SYNE3: variants seen among roughly 807,000 people sequenced by gnomAD.
The protein encoded by SYNE3 is spectrin repeat containing nuclear envelope family member 3.
In SYNE3, 100 loss-of-function variants were observed where a neutral mutation model predicts 111.2. That is an observed-to-expected ratio of 0.90 (90% CI 0.77 to 1.06). The LOEUF (loss-of-function observed/expected upper bound fraction) is 1.06. SYNE3 is among the 50% of genes least tolerant of loss of function. The probability of loss-of-function intolerance (pLI) is 0.00; values close to 1 mark genes in which losing one functional copy is unlikely to be tolerated. For missense variants in SYNE3, 1,160 were observed against 1,240.3 expected, an observed-to-expected ratio of 0.94 and a Z score of 0.97; for synonymous variants, 547 against 533.9, an observed-to-expected ratio of 1.02 and a Z score of -0.34.
At chr14:95,478,309 A>G (rs1889014200) in intron 1 of SYNE3, among the ~76,000 whole-genome samples, 1 of 152,162 alleles carries the variant, frequency 6.6e-6, no homozygotes, top group East Asian at 1.9e-4. Context: ...TACTCTAAAG[A>G]AGCTCTCAGA....
intron 7 of SYNE3, chr14:95,451,137 A>C (rs1013101084): frequency 6.6e-6 from 1 of 152,190 alleles, no homozygotes; most frequent in African/African-American, 2.4e-5. Flanking sequence ...ACAGCACCTC[A>C]CATGAAGCTG....
At chr14:95,447,292 C>A (rs28701729) in intron 8 of SYNE3, among the ~76,000 whole-genome samples, 43,167 of 151,634 alleles carry the variant, frequency 0.28, 6,540 homozygotes, top group African/African-American at 0.41. Flanking sequence ...CACCACCACA[C>A]CCGGCTAATT....
rs950954438 is a variant in SYNE3, at chr14:95,415,224, T to C, written c.*2602A>G. ...GGCCATGGATCAGTTTCTTCCCCAT[T>C]CTGGGCCTCAGCTTTCTCACCTGTG... On this transcript the variant is annotated 3_prime_UTR_variant, in exon 18 of 18. Coordinates refer to ENST00000682763, the MANE Select transcript of SYNE3 (RefSeq NM_152592.6). The C allele has an allele frequency of 6.6e-6, 1 of 152,270 alleles. No homozygotes were observed. Among genetic ancestry groups the C allele is most frequent in the Admixed American group, 6.5e-5 (1 of 15,288 alleles). The allele number at this position is 152,270 out of a possible 1,614,324, so 9.4% of individuals were successfully genotyped here. A position where few individuals can be genotyped will look rare whatever the true frequency, so the allele number is the denominator to read the frequency against.
intron 2 of SYNE3, among the ~76,000 whole-genome samples, chr14:95,472,659 G>A (rs1303719991): frequency 1.3e-5 from 2 of 152,274 alleles, no homozygotes; most frequent in East Asian, 3.9e-4. Context: ...GAGAGCTCTG[G>A]GAAATCCTCC....
chr14:95,512,102 G>C (rs1350590629), intron 1 of SYNE3, among the ~76,000 whole-genome samples: 3 of 152,106 alleles, frequency 2.0e-5, no homozygotes, highest in Admixed American at 2.0e-4. Flanking sequence ...TATCTTACTT[G>C]TTGTATGATT....
At position 95,408,799 on chromosome 14, in the gene SYNE3, G is replaced by T; in HGVS notation, c.*9027C>A. ...AACATGCACAAGCGACTGCCTCCTT[G>T]TTTCTCCCATGAGAGGAATTGGAAC... On this transcript the variant is annotated 3_prime_UTR_variant, in exon 18 of 18. Transcript: ENST00000682763. The T allele has an allele frequency of 4.6e-6, 1 of 219,318 alleles. No homozygotes were observed. Among genetic ancestry groups the T allele is most frequent in the Admixed American group, 5.7e-5 (1 of 17,488 alleles). 13.6% of individuals were successfully genotyped at this position (219,318 alleles called of 1,614,324 possible). A position where few individuals can be genotyped will look rare whatever the true frequency, so the allele number is the denominator to read the frequency against.
At chr14:95,480,205 C>T (rs74083421) in intron 1 of SYNE3, among the ~76,000 whole-genome samples, 1,579 of 152,282 alleles carry the variant, frequency 0.01, 26 homozygotes, top group African/African-American at 0.034. Context: ...CTGCAGGCAG[C>T]GGGAGAGTAG....
intron 1 of SYNE3, among the ~76,000 whole-genome samples, chr14:95,514,311 G>A (rs1333616606): frequency 6.6e-6 from 1 of 152,208 alleles, no homozygotes; most frequent in South Asian, 2.1e-4. Flanking sequence ...CCACATCAAT[G>A]GGTCAGCTGT....
chr14:95,416,940 C>T lies in SYNE3; in HGVS notation c.*886G>A, dbSNP rs549158367. 1 of 152,364 alleles carries T rather than the reference C, an allele frequency of 6.6e-6. No homozygotes were observed. The highest frequency in any genetic ancestry group is 2.4e-5 in the African/African-American group (1 of 41,566). 9.4% of individuals were successfully genotyped at this position (152,364 alleles called of 1,614,324 possible). A position where few individuals can be genotyped will look rare whatever the true frequency, so the allele number is the denominator to read the frequency against. On this transcript the variant is annotated 3_prime_UTR_variant, in exon 18 of 18. Transcript: ENST00000682763. Reference sequence around the variant, plus strand: ...TGCCCACCGAGTGTGCCTCACCATTCTGCATGGAAATCTTAAAAATCAAGC... The same window carrying T: ...TGCCCACCGAGTGTGCCTCACCATTTTGCATGGAAATCTTAAAAATCAAGC...
intron 17 of SYNE3, among the ~76,000 whole-genome samples, chr14:95,425,709 T>C (rs1885392687): frequency 6.6e-6 from 1 of 152,234 alleles, no homozygotes; most frequent in Admixed American, 6.5e-5. Flanking sequence ...AGGAGGTCTA[T>C]GGGAATACTT....
At chr14:95,466,360 C>T (rs1888176600) in intron 3 of SYNE3, 120 bp from the exon 4 acceptor site, 7 of 1,176,374 alleles carry the variant, frequency 6.0e-6, no homozygotes. Flanking sequence ...CATGATGATG[C>T]CCTTTCTGGC....
At chr14:95,462,752 C>T (rs73340945) in intron 4 of SYNE3, among the ~76,000 whole-genome samples, 3,403 of 152,348 alleles carry the variant, frequency 0.022, 126 homozygotes, top group African/African-American at 0.072. Context: ...CAGACACTAA[C>T]GCAGGACCTG....
rs532215612 is a variant in SYNE3 at position 95,466,138 on chromosome 14, G to T, written c.420C>A (p.Ile140=). The T allele has an allele frequency of 1.9e-6, 3 of 1,612,198 alleles. No individual in the cohort carries two copies. The highest frequency in any genetic ancestry group is 1.7e-4 in the Middle Eastern group (1 of 6,056). Residue 140 remains isoleucine (I), a synonymous_variant, in exon 4 of 18, where the codon ATC becomes ATA. Coordinates refer to ENST00000682763, the MANE Select transcript of SYNE3 (RefSeq NM_152592.6). The part of the protein sequence containing the change: ...QKMMVTLEPH[I]ELQLGLKEKQ... ...TCTCCTTCAGGCCCAGCTGGAGCTC[G>T]ATGTGGGGCTCCAGTGTGACCATCA...
Position 95,471,814 on chromosome 14 carries a change from A to G in SYNE3, c.145-3847T>C, listed in dbSNP as rs570565513. Reference sequence around the variant, plus strand: ...GAATTATTCCAATTTGTCGCAGCCAATGAGGGCAAGGGGAAGGTGGGGATC... The same window carrying G: ...GAATTATTCCAATTTGTCGCAGCCAGTGAGGGCAAGGGGAAGGTGGGGATC... On this transcript the variant is annotated intron_variant, in intron 2 of 17. Coordinates refer to ENST00000682763, the MANE Select transcript of SYNE3 (RefSeq NM_152592.6). Among the ~76,000 whole-genome samples the G allele has an allele frequency of 5.9e-5, 9 of 152,312 alleles. No individual in the cohort carries two copies. The South Asian group carries it at 1.7e-3, about 28-fold the overall frequency.
At chr14:95,450,184 C>T in intron 7 of SYNE3, 79 bp from the exon 8 acceptor site, 5 of 1,482,548 alleles carry the variant, frequency 3.4e-6, no homozygotes, top group Non-Finnish European at 4.5e-6. Context: ...CGCCAAGACC[C>T]TCAAGAGGCC....
intron 11 of SYNE3, among the ~76,000 whole-genome samples, chr14:95,440,735 A>C (rs1375120390): frequency 1.3e-5 from 2 of 152,182 alleles, no homozygotes; most frequent in East Asian, 3.8e-4. Context: ...AGCCCAAGCT[A>C]TGTTGCGGGA....
intron 1 of SYNE3, among the ~76,000 whole-genome samples, chr14:95,494,408 A>AT (rs1395819463): frequency 6.6e-6 from 1 of 152,224 alleles, no homozygotes; most frequent in Non-Finnish European, 1.5e-5. Context: ...GGGAAAGGGC[A>AT]TAACGAGTGG....
intron 1 of SYNE3, among the ~76,000 whole-genome samples, chr14:95,508,532 G>A (rs1382584258): frequency 6.6e-6 from 1 of 152,254 alleles, no homozygotes; most frequent in Non-Finnish European, 1.5e-5. Flanking sequence ...ACAGGACAGA[G>A]CATGTTGGCA....
chr14:95,445,066 C>T (rs1033448406), intron 9 of SYNE3, among the ~76,000 whole-genome samples: 10 of 152,248 alleles, frequency 6.6e-5, no homozygotes, highest in Admixed American at 4.6e-4. Context: ...TGCTGTAAAA[C>T]AGCACTTTGA....
Sources: allele counts gnomAD v4.1 joint callset (sites outside exome capture counted in the v4.1 genomes callset), GRCh38; gene constraint gnomAD v4.1.1; transcripts MANE v1.5; gene names NCBI Gene and HGNC (gene_info 2026-07-23, HGNC 2026-07-21).